The following CRHR2 variants were observed in gnomAD, a reference collection of about 807,000 sequenced individuals.
CRHR2 encodes corticotropin releasing hormone receptor 2, also known as corticotropin-releasing hormone receptor 2.
CRHR2 carries 53 observed loss-of-function variants against 57.9 expected under a neutral mutation model. The ratio of observed to expected loss-of-function variants is 0.92; its 90% CI spans 0.73 to 1.15. The LOEUF is 1.15. CRHR2 is among the 50% of genes most tolerant of loss of function. The probability of loss-of-function intolerance (pLI) is 0.00; values close to 1 mark genes in which losing one functional copy is unlikely to be tolerated. For synonymous variants in CRHR2, 213 were observed against 220.9 expected (o/e 0.96, Z 0.32); for missense variants, 532 against 542.6 (o/e 0.98, Z 0.19).
At chr7:30,699,481 T>G (rs1262806139) in intron 1 of CRHR2, among the ~76,000 whole-genome samples, 2 of 147,208 alleles carry the variant, frequency 1.4e-5, no homozygotes, top group Non-Finnish European at 3.0e-5. Flanking sequence ...GGGGTAAGGG[T>G]CAGAACTAGG....
At chr7:30,662,968 A>G in intron 5 of CRHR2, 121 bp from the exon 6 acceptor site, 1 of 1,151,278 alleles carries the variant, frequency 8.7e-7, no homozygotes, top group South Asian at 1.7e-5. Flanking sequence ...CATGCCATCA[A>G]ATACCAGCGA....
Position 30,689,114 on chromosome 7 carries a change from C to T in CRHR2, c.-167+77G>A, listed in dbSNP as rs1784909307. ...CACCCTGCTGAGCCTGGGCTGGCCC[C>T]AGGAAAGCCTCTTCCTCCCGCAGGG... On this transcript the variant is annotated intron_variant, in intron 2 of 13. Transcript: ENST00000341843. 3 of 1,328,444 alleles carry T rather than the reference C, an allele frequency of 2.3e-6. No homozygotes were observed. The Admixed American group carries it at 5.9e-5, about 26-fold the overall frequency. 82.3% of individuals were successfully genotyped at this position (1,328,444 alleles called of 1,614,324 possible).
At chr7:30,668,985 T>C (rs113692774) in intron 2 of CRHR2, among the ~76,000 whole-genome samples, 5,597 of 152,294 alleles carry the variant, frequency 0.037, 361 homozygotes, top group African/African-American at 0.13. Context: ...AAGAGAAAGG[T>C]TACCTCAACT....
chr7:30,683,522 C>T (rs1784791863), upstream of CRHR2, among the ~76,000 whole-genome samples: 1 of 152,168 alleles, frequency 6.6e-6, no homozygotes, highest in Admixed American at 6.5e-5. Context: ...CTGAGTGGGG[C>T]ATTGGGCTCG....
upstream of CRHR2, among the ~76,000 whole-genome samples, chr7:30,686,992 A>AG (rs1039854617): frequency 6.6e-6 from 1 of 152,198 alleles, no homozygotes; most frequent in African/African-American, 2.4e-5. Context: ...AAACTACATC[A>AG]TTACCAGTCA....
In CRHR2 at chr7:30,665,776, T is replaced by G; in HGVS notation, c.316-137A>C. 1 of 679,750 alleles carries G rather than the reference T, an allele frequency of 1.5e-6. No homozygotes were observed. Among genetic ancestry groups the G allele is most frequent in the Non-Finnish European group, 2.5e-6 (1 of 395,674 alleles). 42.1% of individuals were successfully genotyped at this position (679,750 alleles called of 1,614,324 possible). ...CAGGTGTCATTGCCGTGCCTGGCTC[T>G]TAGGGTTCGTTCCTGTTGGCCCTGG... On this transcript the variant is annotated intron_variant, in intron 3 of 11. Coordinates refer to ENST00000471646, the MANE Select transcript of CRHR2 (RefSeq NM_001883.5). The surrounding 1 kb of genome is among the most constrained non-coding windows in gnomAD (Gnocchi z 4.5).
chr7:30,672,359 T>A (rs1031094238), intron 2 of CRHR2, among the ~76,000 whole-genome samples: 2 of 152,256 alleles, frequency 1.3e-5, no homozygotes, highest in African/African-American at 4.8e-5. Flanking sequence ...TTTACCTTAT[T>A]TTGTACAAGG....
intron 3 of CRHR2, among the ~76,000 whole-genome samples, chr7:30,666,639 GCCC>G (rs981565727): frequency 2.6e-5 from 4 of 152,254 alleles, no homozygotes; most frequent in Non-Finnish European, 5.9e-5. Context: ...CAAAGTCCCA[GCCC>G]CACTGAGGAC....
chr7:30,687,197 G>C (rs1784872092), upstream of CRHR2, among the ~76,000 whole-genome samples: 1 of 152,092 alleles, frequency 6.6e-6, no homozygotes, highest in Admixed American at 6.5e-5. Flanking sequence ...ACACTGAAAA[G>C]AAGGTCATTA....
chr7:30,699,785 C>A (rs912474542), intron 1 of CRHR2: 1 of 588,102 alleles, frequency 1.7e-6, no homozygotes. Context: ...GCCCTGAGAC[C>A]CCCTCACCCA....
chr7:30,681,485 T>A (rs1784703097), intron 2 of CRHR2, among the ~76,000 whole-genome samples: 1 of 152,184 alleles, frequency 6.6e-6, no homozygotes, highest in Non-Finnish European at 1.5e-5. Flanking sequence ...GTCTGGTCAC[T>A]GCACTCACTC....
At chr7:30,662,948 G>A in intron 5 of CRHR2, 101 bp from the exon 6 acceptor site, 2 of 1,398,160 alleles carry the variant, frequency 1.4e-6, no homozygotes, top group Non-Finnish European at 1.9e-6. Context: ...CCCCAAAGGG[G>A]GTTCGTGGAC....
intron 2 of CRHR2, among the ~76,000 whole-genome samples, chr7:30,675,954 G>A (rs930613078): frequency 1.1e-4 from 16 of 152,190 alleles, no homozygotes; most frequent in African/African-American, 2.2e-4. Flanking sequence ...TGAGCAAGAC[G>A]ATCAGGTGGC....
intron 1 of CRHR2, among the ~76,000 whole-genome samples, chr7:30,689,988 G>A (rs1431023488): frequency 6.6e-6 from 1 of 152,208 alleles, no homozygotes; most frequent in Non-Finnish European, 1.5e-5. Flanking sequence ...GGGAAGATAT[G>A]TGATTGTTGC....
At position 30,666,830 on chromosome 7, in the gene CRHR2, CTTGGGGGG is replaced by C. The variant is rs529966587; in HGVS notation, c.315+390_315+397del. 4.6e-3 allele frequency among the ~76,000 whole-genome samples: 701 copies of C among 152,324 alleles called. 5 individuals are homozygous for C. Among genetic ancestry groups the C allele is most frequent in the Non-Finnish European group, 7.7e-3 (525 of 68,030 alleles). On this transcript the variant is annotated intron_variant, in intron 3 of 11. Coordinates refer to ENST00000471646, the MANE Select transcript of CRHR2 (RefSeq NM_001883.5). Reference sequence around the variant, plus strand: ...GACCCAGCTTCTCATGGGGACAGCCCTTGGGGGGCTGCATTTGTTTCCATGTGGAGTCA... The same window carrying C: ...GACCCAGCTTCTCATGGGGACAGCCCCTGCATTTGTTTCCATGTGGAGTCA...
intron 1 of CRHR2, among the ~76,000 whole-genome samples, chr7:30,693,764 T>C (rs1268730072): frequency 6.6e-6 from 1 of 152,084 alleles, no homozygotes; most frequent in Non-Finnish European, 1.5e-5. Flanking sequence ...TCCAGGAAGA[T>C]AGCATCAGAA....
In CRHR2 at chr7:30,690,907, G is replaced by A. The variant is rs202073905; in HGVS notation, c.-260-1623C>T. On this transcript the variant is annotated intron_variant, in intron 1 of 13. Transcript: ENST00000341843. ...GGTGTGTGTGTTGTGTGTGTGTCTC[G>A]GCACTGTGGGGGCCTCCTGAGCTGT... Among the ~76,000 whole-genome samples, 9 of 152,276 alleles carry A rather than the reference G, an allele frequency of 5.9e-5. No homozygotes were observed. The East Asian group carries it at 1.4e-3, about 23-fold the overall frequency.
At chr7:30,669,769 G>C (rs1018971252) in intron 2 of CRHR2, among the ~76,000 whole-genome samples, 1 of 152,128 alleles carries the variant, frequency 6.6e-6, no homozygotes, top group Non-Finnish European at 1.5e-5. Context: ...CAATTTCTTA[G>C]CATGATAGTC....
At chr7:30,699,567 A>G (rs1374185267) in intron 1 of CRHR2, 2 of 164,266 alleles carry the variant, frequency 1.2e-5, no homozygotes, top group Non-Finnish European at 2.7e-5. Context: ...GAGAATGGAT[A>G]GGAGACAGGG....
Sources: allele counts gnomAD v4.1 joint callset (sites outside exome capture counted in the v4.1 genomes callset), GRCh38; gene constraint gnomAD v4.1.1; non-coding constraint Gnocchi (gnomAD v3.1); transcripts MANE v1.5; gene names NCBI Gene and HGNC (gene_info 2026-07-23, HGNC 2026-07-21).